CDH13: variants seen among roughly 807,000 people sequenced by gnomAD.
CDH13 encodes the protein cadherin 13.
Under a neutral mutation model 63.8 loss-of-function variants are expected in CDH13, and 24 were observed. The observed-to-expected ratio is 0.38, with a 90% CI of 0.27 to 0.53. CDH13 has a LOEUF of 0.53. Ranked by LOEUF, CDH13 falls within the 20% of genes least tolerant of loss-of-function variation. The pLI is 0.85. For missense variants in CDH13, 1,049 were observed against 903.1 expected, an observed-to-expected ratio of 1.16 and a Z score of -2.07; for synonymous variants, 503 against 355.3, an observed-to-expected ratio of 1.42 and a Z score of -4.67.
intron 6 of CDH13, among the ~76,000 whole-genome samples, chr16:83,442,110 G>A (rs1017916000): frequency 3.3e-5 from 5 of 152,118 alleles, no homozygotes; most frequent in African/African-American, 4.8e-5. Context: ...CAACTCTGAC[G>A]CAAAGCATGG....
chr16:83,118,362 G>C (rs920846314), intron 3 of CDH13, among the ~76,000 whole-genome samples: 3 of 152,222 alleles, frequency 2.0e-5, no homozygotes, highest in African/African-American at 7.2e-5. Flanking sequence ...CTGCTCGTGA[G>C]TGTGTGTGTA....
intron 2 of CDH13, among the ~76,000 whole-genome samples, chr16:82,995,890 TA>T (rs1310671321): frequency 6.6e-6 from 1 of 152,116 alleles, no homozygotes; most frequent in Non-Finnish European, 1.5e-5. Context: ...TATGAGAAAG[TA>T]AACTGTGTTT....
intron 5 of CDH13, among the ~76,000 whole-genome samples, chr16:83,286,795 TAC>T (rs529791841): frequency 5.3e-5 from 8 of 149,918 alleles, no homozygotes; most frequent in African/African-American, 2.0e-4. Context: ...TATATATATA[TAC>T]ACACACACAT....
chr16:83,342,260 T>C (rs1056384523), intron 5 of CDH13, among the ~76,000 whole-genome samples: 6 of 152,206 alleles, frequency 3.9e-5, no homozygotes, highest in Admixed American at 2.6e-4. Flanking sequence ...ATATCCTTCA[T>C]AGCCCTCATC....
At chr16:82,792,973 G>T (rs59886220) in intron 1 of CDH13, among the ~76,000 whole-genome samples, 1 of 152,124 alleles carries the variant, frequency 6.6e-6, no homozygotes, top group Admixed American at 6.5e-5. Context: ...ATTCTTGCTT[G>T]CCCGCCTGGG....
intron 2 of CDH13, among the ~76,000 whole-genome samples, chr16:82,864,284 G>A (rs913731734): frequency 2.0e-5 from 3 of 152,294 alleles, no homozygotes; most frequent in East Asian, 3.9e-4. Flanking sequence ...AAGAGAGTGA[G>A]TGTTTCTAGA....
At chr16:82,969,630 G>A (rs1423180988) in intron 2 of CDH13, among the ~76,000 whole-genome samples, 1 of 152,030 alleles carries the variant, frequency 6.6e-6, no homozygotes, top group Non-Finnish European at 1.5e-5. Flanking sequence ...TAGAATGTTA[G>A]CAGCATGCCT....
intron 6 of CDH13, among the ~76,000 whole-genome samples, chr16:83,446,458 TG>T (rs1422320373): frequency 6.6e-6 from 1 of 152,210 alleles, no homozygotes; most frequent in African/African-American, 2.4e-5. Flanking sequence ...GTTAGAGTTT[TG>T]TGCCTCCAGT....
intron 2 of CDH13, among the ~76,000 whole-genome samples, chr16:82,890,857 G>C (rs1311405198): frequency 1.3e-5 from 2 of 151,792 alleles, no homozygotes; most frequent in African/African-American, 4.8e-5. Flanking sequence ...TTACCGTGTT[G>C]GCCAGGCTGG....
chr16:83,110,231 C>G (rs1321897533), intron 3 of CDH13, among the ~76,000 whole-genome samples: 1 of 152,204 alleles, frequency 6.6e-6, no homozygotes, highest in Admixed American at 6.5e-5. Flanking sequence ...ATCTCACGTT[C>G]TGATCACTCC....
chr16:83,566,419 G>T (rs1904280939), intron 7 of CDH13, among the ~76,000 whole-genome samples: 1 of 152,140 alleles, frequency 6.6e-6, no homozygotes, highest in South Asian at 2.1e-4. Context: ...AGGAAGACAA[G>T]TTGCTAAATG....
chr16:83,379,203 A>C (rs964483339), intron 6 of CDH13, among the ~76,000 whole-genome samples: 2 of 152,198 alleles, frequency 1.3e-5, no homozygotes, highest in Non-Finnish European at 2.9e-5. Context: ...CTGCATCTTC[A>C]CCAAAGTAAT....
In CDH13 at chr16:83,142,772, A is replaced by T. The variant is rs190619826; in HGVS notation, c.483+17271A>T. ...ATTTTTTGACTGAATGAATGGTCAA[A>T]AAAGGCCAACTCCAGTGGTCTCTCT... is the stretch of plus-strand genomic sequence containing the variant. On this transcript the variant is annotated intron_variant, in intron 4 of 13. Coordinates refer to ENST00000567109, the MANE Select transcript of CDH13 (RefSeq NM_001257.5). 8.5e-4 allele frequency among the ~76,000 whole-genome samples: 130 copies of T among 152,276 alleles called. 2 individuals carry two copies. The East Asian group carries it at 0.022, about 26-fold the overall frequency.
chr16:83,569,638 G>A (rs1392606632), intron 7 of CDH13, among the ~76,000 whole-genome samples: 1 of 152,078 alleles, frequency 6.6e-6, no homozygotes, highest in South Asian at 2.1e-4. Context: ...CAAGATTTCT[G>A]TCCTCTCTTC....
intron 10 of CDH13, among the ~76,000 whole-genome samples, chr16:83,741,857 A>G (rs1318328000): frequency 6.6e-6 from 1 of 152,150 alleles, no homozygotes; most frequent in African/African-American, 2.4e-5. Context: ...ATTGGAGCAC[A>G]AATCCTATTG....
chr16:83,103,332 T>C lies in CDH13; in HGVS notation c.367-22053T>C, dbSNP rs139531133. The stretch of plus-strand genomic sequence containing the variant: ...TGAACTCAGCTCTCACTGCAACCAG[T>C]GCCTCCAGGTTCAAGCAATTCTCCT... On this transcript the variant is annotated intron_variant, in intron 3 of 13. Coordinates refer to ENST00000567109, the MANE Select transcript of CDH13 (RefSeq NM_001257.5). Among the ~76,000 whole-genome samples, 1,254 of 141,584 alleles carry C rather than the reference T, an allele frequency of 8.9e-3. 13 individuals are homozygous for C. The highest frequency in any genetic ancestry group is 0.031 in the African/African-American group (1,189 of 38,124). 92.9% of individuals were successfully genotyped at this position (141,584 alleles called of 152,430 possible). A position where few individuals can be genotyped will look rare whatever the true frequency, so the allele number is the denominator to read the frequency against.
intron 2 of CDH13, among the ~76,000 whole-genome samples, chr16:82,975,859 C>A (rs1328286179): frequency 6.6e-6 from 1 of 152,124 alleles, no homozygotes; most frequent in Admixed American, 6.5e-5. Context: ...TGGGGGTTTC[C>A]TTTTAGGGCT....
chr16:83,223,442 T>C (rs908309780), intron 5 of CDH13, among the ~76,000 whole-genome samples: 5 of 152,226 alleles, frequency 3.3e-5, no homozygotes, highest in African/African-American at 1.2e-4. Flanking sequence ...CACCATTACA[T>C]TGGCTATTAC....
intron 7 of CDH13, among the ~76,000 whole-genome samples, chr16:83,520,354 C>G (rs142773996): frequency 6.6e-6 from 1 of 152,244 alleles, no homozygotes; most frequent in East Asian, 1.9e-4. Context: ...AGAATAGTGA[C>G]TACCTTGCAG....
Sources: gnomAD v4.1 joint callset for allele counts (sites outside exome capture counted in the v4.1 genomes callset) on GRCh38, gnomAD v4.1.1 for gene constraint, MANE v1.5 for transcripts, NCBI Gene and HGNC (gene_info 2026-07-23, HGNC 2026-07-21) for gene names.